NME7: variants seen among roughly 807,000 people sequenced by gnomAD.
NME7 encodes the protein nucleoside diphosphate kinase 7.
Under a neutral mutation model 49.1 loss-of-function variants are expected in NME7, and 41 were observed. The ratio of observed to expected loss-of-function variants is 0.83; its 90% CI spans 0.65 to 1.08. The LOEUF is 1.08. Among genes scored for constraint, NME7 ranks in the 50% least tolerant of loss-of-function variants. NME7 has a pLI of 0.00. For synonymous variants in NME7, 139 were observed against 150.6 expected, an observed-to-expected ratio of 0.92 and a Z score of 0.56; for missense variants, 423 against 463.4, an observed-to-expected ratio of 0.91 and a Z score of 0.80.
chr1:169,361,116 A>G (rs1237613445), intron 1 of NME7, among the ~76,000 whole-genome samples: 2 of 152,218 alleles, frequency 1.3e-5, no homozygotes, highest in Non-Finnish European at 2.9e-5. Flanking sequence ...CAGTATATGG[A>G]AAGTACTCAA....
Position 169,344,451 on chromosome 1 carries a change from C to T in NME7, c.4-19951G>A, listed in dbSNP as rs541949059. ...AAATTGTGAGAGCACACATCCTAGC[C>T]TTGTTCCCAATCTCAGGAAGAAAGC... On this transcript the variant is annotated intron_variant, in intron 1 of 11. Coordinates refer to ENST00000367811, the MANE Select transcript of NME7 (RefSeq NM_013330.5). Among the ~76,000 whole-genome samples, 12 of 152,268 alleles carry T rather than the reference C, an allele frequency of 7.9e-5. No individual in the cohort carries two copies. The East Asian group carries it at 1.5e-3, about 20-fold the overall frequency.
chr1:169,281,682 A>T (rs943927001), intron 7 of NME7, among the ~76,000 whole-genome samples: 2 of 152,288 alleles, frequency 1.3e-5, no homozygotes, highest in African/African-American at 4.8e-5. Flanking sequence ...AATTTTATTG[A>T]AGGCCTTTTC....
At chr1:169,298,903 T>A in intron 5 of NME7, 140 bp from the exon 6 acceptor site, 1 of 773,590 alleles carries the variant, frequency 1.3e-6, no homozygotes, top group South Asian at 1.9e-5. Flanking sequence ...CATAGTTAAT[T>A]TTACATGGGC....
In NME7 at chr1:169,257,192, A is replaced by C. The variant is rs1215474339; in HGVS notation, c.755-19505T>G. Among the ~76,000 whole-genome samples, 6 of 133,648 alleles carry C rather than the reference A, an allele frequency of 4.5e-5. 2 individuals are homozygous for C. Among genetic ancestry groups the C allele is most frequent in the African/African-American group, 1.5e-4 (6 of 39,524 alleles). The allele number at this position is 133,648 out of a possible 152,430, so 87.7% of individuals were successfully genotyped here. ...CTGCCACCTTGCAGTTTGATCTCAG[A>C]CTGCTGTGCTGGCAATCGGCGAGAC... On this transcript the variant is annotated intron_variant, in intron 7 of 11. Coordinates refer to ENST00000367811, the MANE Select transcript of NME7 (RefSeq NM_013330.5).
Position 169,342,839 on chromosome 1 carries a change from T to TATATATATAGTGTATATATATACAAGTAC in NME7, c.4-18340_4-18339insGTACTTGTATATATATACACTATATATAT, listed in dbSNP as rs1652799622. 1.3e-4 allele frequency among the ~76,000 whole-genome samples: 6 copies of TATATATATAGTGTATATATATACAAGTAC among 47,966 alleles called. 1 individual carries two copies. The highest frequency in any genetic ancestry group is 2.4e-4 in the Non-Finnish European group (6 of 25,372). 31.5% of individuals were successfully genotyped at this position (47,966 alleles called of 152,430 possible). On this transcript the variant is annotated intron_variant, in intron 1 of 11. Transcript: ENST00000367811. ...TATAGTATATATATATACAAGTACATATATATATAGTATATATATATACAA... is the reference window on the plus strand; with the variant it reads ...TATAGTATATATATATACAAGTACATATATATATAGTGTATATATATACAAGTACATATATATAGTATATATATATACAA...
chr1:169,170,139 G>C (rs1485423173), intron 10 of NME7, among the ~76,000 whole-genome samples: 1 of 152,216 alleles, frequency 6.6e-6, no homozygotes, highest in Non-Finnish European at 1.5e-5. Context: ...CTGTATGTTA[G>C]AAGAAGAGAG....
chr1:169,249,743 T>C (rs1648482040), intron 7 of NME7, among the ~76,000 whole-genome samples: 1 of 151,948 alleles, frequency 6.6e-6, no homozygotes, highest in South Asian at 2.1e-4. Context: ...GATCATAGAG[T>C]TTTTCTTTTT....
At chr1:169,359,281 A>ATT (rs1212391058) in intron 1 of NME7, among the ~76,000 whole-genome samples, 1 of 147,862 alleles carries the variant, frequency 6.8e-6, no homozygotes, top group Admixed American at 6.8e-5. Context: ...TTGTATTGTT[A>ATT]TTTTTTTTTT....
chr1:169,171,343 G>T (rs2101846455), intron 10 of NME7, among the ~76,000 whole-genome samples: 1 of 152,200 alleles, frequency 6.6e-6, no homozygotes, highest in Non-Finnish European at 1.5e-5. Flanking sequence ...CTCCAGCCTG[G>T]GTTGTCAGAC....
At chr1:169,346,482 C>T (rs1487080980) in intron 1 of NME7, among the ~76,000 whole-genome samples, 2 of 152,170 alleles carry the variant, frequency 1.3e-5, no homozygotes, top group African/African-American at 4.8e-5. Flanking sequence ...CTTTTCTCAC[C>T]CTCAAGACTT....
intron 3 of NME7, among the ~76,000 whole-genome samples, chr1:169,315,681 G>A (rs1434489051): frequency 3.9e-5 from 6 of 152,080 alleles, no homozygotes; most frequent in African/African-American, 1.2e-4. Flanking sequence ...CTAGACACAT[G>A]CAATTCAGCT....
At chr1:169,285,379 AG>A (rs1264758703) in intron 7 of NME7, 3 of 152,156 alleles carry the variant, frequency 2.0e-5, no homozygotes, top group African/African-American at 7.2e-5. Context: ...TCTCCAGCTA[AG>A]AAAAATGAGT....
At chr1:169,258,249 G>T (rs1475840159) in intron 7 of NME7, among the ~76,000 whole-genome samples, 1 of 126,536 alleles carries the variant, frequency 7.9e-6, no homozygotes, top group African/African-American at 2.6e-5. Flanking sequence ...GGCTGAGGTG[G>T]AAGGATCACT....
At chr1:169,186,823 G>T (rs1571274776) in intron 10 of NME7, among the ~76,000 whole-genome samples, 1 of 151,722 alleles carries the variant, frequency 6.6e-6, no homozygotes, top group Non-Finnish European at 1.5e-5. Context: ...TGCTTCTCTG[G>T]TTTTTTTAAT....
At chr1:169,255,111 G>T (rs1571330962) in intron 7 of NME7, among the ~76,000 whole-genome samples, 1 of 135,532 alleles carries the variant, frequency 7.4e-6, no homozygotes, top group East Asian at 2.1e-4. Flanking sequence ...TCAATTCCTG[G>T]GTATCCTTGT....
chr1:169,204,877 C>T (rs1281037197), intron 10 of NME7, among the ~76,000 whole-genome samples: 1 of 151,968 alleles, frequency 6.6e-6, no homozygotes, highest in African/African-American at 2.4e-5. Context: ...GTTCTTTGGG[C>T]AAGCTTAGTA....
chr1:169,230,814 C>T lies in NME7; in HGVS notation c.894G>A (p.Met298Ile), dbSNP rs149843431. The T allele has an allele frequency of 2.3e-5, 37 of 1,587,242 alleles. No individual in the cohort carries two copies. The highest frequency in any genetic ancestry group is 7.0e-5 in the Admixed American group (4 of 56,754). The change falls in exon 10 of 12, where the codon ATG becomes ATA. Residue 298 changes from methionine (M) to isoleucine (I), a missense_variant. Physicochemically the swap from Met to Ile is conservative, Grantham distance 10. Transcript: ENST00000367811. ...YKGVVTEYHD[M>I]VTEMYSGPCV... ...AAGGGCCAGAATACATTTCTGTCAC[C>T]ATGTCCTATGATATGTAATATAAAA...
At position 169,273,424 on chromosome 1, in the gene NME7, G is replaced by A. The variant is rs561644377; in HGVS notation, c.754+13879C>T. ...TTAAGGCTGCATAGTATTCCATGGC[G>A]TATATGCACCACACTTTCTTTTCTA... On this transcript the variant is annotated intron_variant, in intron 7 of 11. Transcript: ENST00000367811. Among the ~76,000 whole-genome samples, 43 of 132,064 alleles carry A rather than the reference G, an allele frequency of 3.3e-4. 6 individuals are homozygous for A. Among genetic ancestry groups the A allele is most frequent in the South Asian group, 1.2e-3 (5 of 4,232 alleles). The allele number at this position is 132,064 out of a possible 152,430, so 86.6% of individuals were successfully genotyped here.
chr1:169,172,432 G>A (rs540730077), intron 10 of NME7, among the ~76,000 whole-genome samples: 2 of 152,020 alleles, frequency 1.3e-5, no homozygotes, highest in Middle Eastern at 3.4e-3. Context: ...CAGTGAAACA[G>A]TATCTCCTGT....
Sources: allele counts gnomAD v4.1 joint callset (sites outside exome capture counted in the v4.1 genomes callset), GRCh38; gene constraint gnomAD v4.1.1; transcripts MANE v1.5; gene names NCBI Gene and HGNC (gene_info 2026-07-23, HGNC 2026-07-21).